Variants in CCBE1 observed in about 807,000 individuals in gnomAD.
CCBE1 encodes collagen and calcium binding EGF domains 1.
A neutral mutation model predicts 50.0 loss-of-function variants in CCBE1; 37 were observed. The ratio of observed to expected loss-of-function variants is 0.74; its 90% CI spans 0.57 to 0.97. The LOEUF (loss-of-function observed/expected upper bound fraction) is 0.97, where lower values mean the gene tolerates loss of function less well. CCBE1 is among the 50% of genes least tolerant of loss of function. The pLI is 0.00. For synonymous variants in CCBE1, 234 were observed against 203.7 expected, an observed-to-expected ratio of 1.15 and a Z score of -1.27; for missense variants, 538 against 523.8, an observed-to-expected ratio of 1.03 and a Z score of -0.26.
chr18:59,673,283 TCTA>T (rs1348970732), intron 2 of CCBE1, among the ~76,000 whole-genome samples: 1 of 152,136 alleles, frequency 6.6e-6, no homozygotes, highest in Non-Finnish European at 1.5e-5. Flanking sequence ...TAACCCTGTC[TCTA>T]CTAAAAATAC....
chr18:59,490,589 C>T (rs1192088590), intron 2 of CCBE1, among the ~76,000 whole-genome samples: 1 of 152,144 alleles, frequency 6.6e-6, no homozygotes, highest in Non-Finnish European at 1.5e-5. Context: ...ATGTTTGGCA[C>T]GACTACATAC....
At chr18:59,448,926 A>T (rs1040156016) in intron 6 of CCBE1, among the ~76,000 whole-genome samples, 1 of 152,164 alleles carries the variant, frequency 6.6e-6, no homozygotes, top group Non-Finnish European at 1.5e-5. Context: ...ATAGCAATAG[A>T]CCACCACAAC....
In CCBE1 at chr18:59,453,860, G is replaced by T. The variant is rs564437770; in HGVS notation, c.654+991C>A. 2.6e-5 allele frequency among the ~76,000 whole-genome samples: 4 copies of T among 152,260 alleles called. No individual in the cohort carries two copies. In the South Asian group the frequency reaches 8.3e-4, roughly 32 times the overall value. On this transcript the variant is annotated intron_variant, in intron 6 of 10. Coordinates refer to ENST00000439986, the MANE Select transcript of CCBE1 (RefSeq NM_133459.4). Reference sequence around the variant, plus strand: ...GGTAGAATAAATACTGTTTATCTGGGTCCAGGACAGTTGTTCAAGAAGTCA... The same window carrying T: ...GGTAGAATAAATACTGTTTATCTGGTTCCAGGACAGTTGTTCAAGAAGTCA...
intron 2 of CCBE1, among the ~76,000 whole-genome samples, chr18:59,504,838 G>A (rs941816584): frequency 6.6e-6 from 1 of 151,908 alleles, no homozygotes; most frequent in African/African-American, 2.4e-5. Flanking sequence ...AGCACACAGC[G>A]ACCTCCTCTC....
At chr18:59,624,419 G>T (rs1215782569) in intron 2 of CCBE1, among the ~76,000 whole-genome samples, 1 of 152,210 alleles carries the variant, frequency 6.6e-6, no homozygotes, top group Non-Finnish European at 1.5e-5. Flanking sequence ...ACATGCAATA[G>T]ATTTATGTTT....
Position 59,432,430 on chromosome 18 carries a change from G to A in CCBE1, c.*3478C>T, listed in dbSNP as rs1909976723. The A allele has an allele frequency of 6.6e-6, 1 of 152,164 alleles. No individual in the cohort carries two copies. The highest frequency in any genetic ancestry group is 1.5e-5 in the Non-Finnish European group (1 of 68,034). The allele number at this position is 152,164 out of a possible 1,614,324, so 9.4% of individuals were successfully genotyped here. On this transcript the variant is annotated 3_prime_UTR_variant, in exon 11 of 11. Transcript: ENST00000439986. ...CTATAAAACATGAAATGACCTAGAA[G>A]CACTGTTACAAATCTTACCCCAGAA...
intron 7 of CCBE1, among the ~76,000 whole-genome samples, chr18:59,440,809 G>T (rs923485205): frequency 1.3e-5 from 2 of 152,150 alleles, no homozygotes; most frequent in African/African-American, 4.8e-5. Flanking sequence ...TGGAGCAGGA[G>T]AACTGAAAAT....
At chr18:59,570,610 T>A (rs2052896824) in intron 2 of CCBE1, among the ~76,000 whole-genome samples, 1 of 152,020 alleles carries the variant, frequency 6.6e-6, no homozygotes, top group Admixed American at 6.6e-5. Flanking sequence ...AGGAGAGTAT[T>A]CTGCGACACT....
Position 59,642,397 on chromosome 18 carries a change from C to A in CCBE1, c.212+54232G>T, listed in dbSNP as rs566541571. Among the ~76,000 whole-genome samples, 12 of 152,248 alleles carry A rather than the reference C, an allele frequency of 7.9e-5. No individual in the cohort carries two copies. The South Asian group carries it at 2.5e-3, about 32-fold the overall frequency. ...TGCTAGTGGGAGTGTAAACTGACAC[C>A]ACCACTGGAGAAATAGTTCTCCAGC... is the stretch of plus-strand genomic sequence containing the variant. On this transcript the variant is annotated intron_variant, in intron 2 of 10. Transcript: ENST00000439986.
intron 2 of CCBE1, among the ~76,000 whole-genome samples, chr18:59,610,478 C>T (rs2053553704): frequency 6.7e-6 from 1 of 148,362 alleles, no homozygotes; most frequent in Non-Finnish European, 1.5e-5. Flanking sequence ...GGTTGCTAGA[C>T]TCTAGCCAGA....
At chr18:59,570,169 C>A (rs181492357) in intron 2 of CCBE1, among the ~76,000 whole-genome samples, 1 of 152,184 alleles carries the variant, frequency 6.6e-6, no homozygotes, top group Non-Finnish European at 1.5e-5. Context: ...AGGATCTAGC[C>A]TGGGAGAGGG....
In CCBE1 at chr18:59,633,586, C is replaced by T. The variant is rs1006043511; in HGVS notation, c.212+63043G>A. Among the ~76,000 whole-genome samples the T allele has an allele frequency of 5.3e-5, 8 of 152,182 alleles. No homozygotes were observed. In the East Asian group the frequency reaches 5.8e-4, roughly 11 times the overall value. ...TTTTCAGGCTCCTCTGGATCCCTCACGCAGTTAATAAAGGATACTCAGCCA... is the reference window on the plus strand; with the variant it reads ...TTTTCAGGCTCCTCTGGATCCCTCATGCAGTTAATAAAGGATACTCAGCCA... On this transcript the variant is annotated intron_variant, in intron 2 of 10. Transcript: ENST00000439986.
chr18:59,656,466 G>C (rs1190084937), intron 2 of CCBE1, among the ~76,000 whole-genome samples: 1 of 152,150 alleles, frequency 6.6e-6, no homozygotes, highest in Non-Finnish European at 1.5e-5. Flanking sequence ...GTAATTGCTA[G>C]TTTGCAATAT....
At chr18:59,600,781 A>G (rs1425390543) in intron 2 of CCBE1, among the ~76,000 whole-genome samples, 1 of 152,072 alleles carries the variant, frequency 6.6e-6, no homozygotes, top group Non-Finnish European at 1.5e-5. Context: ...TTCCTCATGT[A>G]GAGTAATGTG....
At chr18:59,673,058 C>T (rs1275213696) in intron 2 of CCBE1, among the ~76,000 whole-genome samples, 1 of 152,150 alleles carries the variant, frequency 6.6e-6, no homozygotes, top group Non-Finnish European at 1.5e-5. Context: ...GGAAACATGA[C>T]TCCAACATGG....
chr18:59,512,944 G>A (rs1914197014), intron 2 of CCBE1, among the ~76,000 whole-genome samples: 1 of 152,136 alleles, frequency 6.6e-6, no homozygotes. Flanking sequence ...TACGACAGGA[G>A]GGAAAAAAGA....
chr18:59,467,614 G>T (rs1309747243), intron 4 of CCBE1, among the ~76,000 whole-genome samples: 1 of 152,180 alleles, frequency 6.6e-6, no homozygotes, highest in Non-Finnish European at 1.5e-5. Context: ...TTGCTCCCCT[G>T]CCGCATGGTG....
intron 2 of CCBE1, among the ~76,000 whole-genome samples, chr18:59,627,368 G>A (rs540524631): frequency 1.2e-4 from 19 of 152,324 alleles, no homozygotes; most frequent in Non-Finnish European, 2.5e-4. Flanking sequence ...TTTTGCCAAA[G>A]CAGTATACTT....
chr18:59,656,508 C>G (rs990580467), intron 2 of CCBE1, among the ~76,000 whole-genome samples: 1 of 152,040 alleles, frequency 6.6e-6, no homozygotes, highest in Non-Finnish European at 1.5e-5. Context: ...ATTTACCTTC[C>G]GCGGAGCCAA....
Sources: gnomAD v4.1 joint callset for allele counts (sites outside exome capture counted in the v4.1 genomes callset) on GRCh38, gnomAD v4.1.1 for gene constraint, MANE v1.5 for transcripts, NCBI Gene and HGNC (gene_info 2026-07-23, HGNC 2026-07-21) for gene names.